ADAM22: variants seen among roughly 807,000 people sequenced by gnomAD.
ADAM22 encodes disintegrin and metalloproteinase domain-containing protein 22.
ADAM22 carries 65 observed loss-of-function variants against 144.6 expected under a neutral mutation model. The ratio of observed to expected loss-of-function variants is 0.45; its 90% confidence interval spans 0.37 to 0.55. The LOEUF is 0.55. Among genes scored for constraint, ADAM22 ranks in the 20% least tolerant of loss-of-function variants. The probability of loss-of-function intolerance (pLI) is 0.00; values close to 1 mark genes in which losing one functional copy is unlikely to be tolerated. For synonymous variants in ADAM22, 391 were observed against 412.6 expected (o/e 0.95, Z 0.63); for missense variants, 974 against 1,184.9 (o/e 0.82, Z 2.61).
intron 23 of ADAM22, among the ~76,000 whole-genome samples, chr7:88,164,000 T>C (rs1842379869): frequency 6.6e-6 from 1 of 152,118 alleles, no homozygotes; most frequent in Admixed American, 6.6e-5. Context: ...TCCTGGTCTT[T>C]CCATGCTTGT....
At chr7:88,034,926 T>A (rs1282105913) in intron 3 of ADAM22, among the ~76,000 whole-genome samples, 1 of 152,176 alleles carries the variant, frequency 6.6e-6, no homozygotes, top group Non-Finnish European at 1.5e-5. Flanking sequence ...TTGAAGACTG[T>A]CTTTCCTACT....
chr7:88,190,915 C>A, intron 30 of ADAM22, among the ~76,000 whole-genome samples: 1 of 151,088 alleles, frequency 6.6e-6, no homozygotes, highest in South Asian at 2.1e-4. Context: ...CTTCTCTTCC[C>A]CTCAGGGTCC....
At position 88,128,478 on chromosome 7, in the gene ADAM22, T is replaced by G. The variant is rs1036691309; in HGVS notation, c.679-124T>G. ...GAAACTAAGCAAATTGATGAAAAATTTTTTAAATGCTGAAGGAATAAAAAG... is the reference window on the plus strand; with the variant it reads ...GAAACTAAGCAAATTGATGAAAAATGTTTTAAATGCTGAAGGAATAAAAAG... On this transcript the variant is annotated intron_variant, in intron 8 of 31. Transcript: ENST00000413139. The G allele has an allele frequency of 6.8e-6, 5 of 735,850 alleles. No individual in the cohort carries two copies. The African/African-American group carries it at 7.2e-5, about 11-fold the overall frequency. The allele number at this position is 735,850 out of a possible 1,614,324, so 45.6% of individuals were successfully genotyped here. A position where few individuals can be genotyped will look rare whatever the true frequency, so the allele number is the denominator to read the frequency against.
intron 3 of ADAM22, among the ~76,000 whole-genome samples, chr7:88,074,112 AG>A (rs1813547555): frequency 6.6e-6 from 1 of 152,192 alleles, no homozygotes; most frequent in African/African-American, 2.4e-5. Context: ...ACAGTGAACA[AG>A]ACAGCCTCCC....
chr7:87,943,797 G>A (rs980123945), intron 2 of ADAM22, among the ~76,000 whole-genome samples: 4 of 152,142 alleles, frequency 2.6e-5, no homozygotes, highest in Admixed American at 1.3e-4. Flanking sequence ...TATTTGTGTT[G>A]AAGAGATTTT....
At chr7:87,966,290 A>G (rs1849031220) in intron 2 of ADAM22, among the ~76,000 whole-genome samples, 1 of 152,218 alleles carries the variant, frequency 6.6e-6, no homozygotes, top group African/African-American at 2.4e-5. Flanking sequence ...CCTTGCACTC[A>G]GATTTAATTA....
intron 4 of ADAM22, among the ~76,000 whole-genome samples, chr7:88,095,466 A>G (rs1821001309): frequency 6.6e-6 from 1 of 152,190 alleles, no homozygotes; most frequent in Non-Finnish European, 1.5e-5. Flanking sequence ...AGGTCTGGGA[A>G]CGCATATTAT....
intron 2 of ADAM22, chr7:87,964,833 T>C: frequency 4.1e-6 from 1 of 246,380 alleles, no homozygotes; most frequent in Non-Finnish European, 8.1e-6. Flanking sequence ...GCTGGTAGTA[T>C]GTGGAAGCCT....
intron 2 of ADAM22, among the ~76,000 whole-genome samples, chr7:87,955,183 T>C (rs561467663): frequency 1.3e-5 from 2 of 152,244 alleles, no homozygotes; most frequent in Admixed American, 1.3e-4. Flanking sequence ...GGTGAGGAAC[T>C]GCGTTCCTTT....
At chr7:88,113,720 A>ATATATATATATATATAG in intron 5 of ADAM22, among the ~76,000 whole-genome samples, 1 of 116,306 alleles carries the variant, frequency 8.6e-6, no homozygotes, top group East Asian at 2.8e-4. Context: ...ATATATATAT[A>ATATATATATATATATAG]TATATATATA....
At chr7:88,132,694 A>T in intron 11 of ADAM22, 173 bp from the exon 12 acceptor site, 1 of 504,504 alleles carries the variant, frequency 2.0e-6, no homozygotes, top group Non-Finnish European at 3.6e-6. Flanking sequence ...TCCCTCATAA[A>T]CCTTTTTCTT....
chr7:88,136,103 A>T, intron 14 of ADAM22, 72 bp downstream of exon 14: 2 of 1,366,090 alleles, frequency 1.5e-6, no homozygotes, highest in Non-Finnish European at 1.0e-6. Flanking sequence ...TAGGAATATG[A>T]CACTCAATAA....
chr7:88,137,889 C>T (rs1833409054), intron 14 of ADAM22, among the ~76,000 whole-genome samples: 1 of 152,140 alleles, frequency 6.6e-6, no homozygotes, highest in Admixed American at 6.6e-5. Flanking sequence ...CATGGTGGCT[C>T]ATGGCTGTAA....
chr7:88,111,667 T>C (rs1346214028), intron 5 of ADAM22, among the ~76,000 whole-genome samples: 6 of 152,218 alleles, frequency 3.9e-5, no homozygotes, highest in Non-Finnish European at 7.3e-5. Flanking sequence ...TTTAGCTCAA[T>C]TGGTCTGTGA....
At chr7:88,073,100 G>A (rs1293589109) in intron 3 of ADAM22, among the ~76,000 whole-genome samples, 1 of 152,134 alleles carries the variant, frequency 6.6e-6, no homozygotes, top group Non-Finnish European at 1.5e-5. Context: ...AAAGAATCAT[G>A]ATGGTCAAGG....
intron 6 of ADAM22, among the ~76,000 whole-genome samples, chr7:88,115,090 C>T (rs747119488): frequency 4.6e-5 from 7 of 151,796 alleles, no homozygotes; most frequent in Middle Eastern, 3.4e-3. Context: ...TACTAAAATA[C>T]AAAAATTAGC....
chr7:88,192,965 G>C, intron 30 of ADAM22, 151 bp from the exon 31 acceptor site: 2 of 848,794 alleles, frequency 2.4e-6, no homozygotes, highest in Admixed American at 5.7e-5. Flanking sequence ...TCACTGTTGA[G>C]AATGACAGAA....
intron 3 of ADAM22, among the ~76,000 whole-genome samples, chr7:88,048,059 G>A (rs1805158613): frequency 6.6e-6 from 1 of 152,036 alleles, no homozygotes; most frequent in Admixed American, 6.5e-5. Context: ...GTCCTGCCCT[G>A]TTGCTAGACT....
At chr7:88,177,467 A>G (rs1452234573) in intron 26 of ADAM22, among the ~76,000 whole-genome samples, 1 of 152,176 alleles carries the variant, frequency 6.6e-6, no homozygotes, top group East Asian at 1.9e-4. Flanking sequence ...AGCTGAAGTC[A>G]TTTACAGAAT....
Sources: allele counts gnomAD v4.1 joint callset (sites outside exome capture counted in the v4.1 genomes callset), GRCh38; gene constraint gnomAD v4.1.1; transcripts MANE v1.5; gene names NCBI Gene and HGNC (gene_info 2026-07-23, HGNC 2026-07-21).